CEP170: variants seen among roughly 807,000 people sequenced by gnomAD.
The protein encoded by CEP170 is centrosomal protein 170.
CEP170 carries 21 observed loss-of-function variants against 151.9 expected under a neutral mutation model. The ratio of observed to expected loss-of-function variants is 0.14; its 90% confidence interval spans 0.10 to 0.20. The LOEUF (loss-of-function observed/expected upper bound fraction) is 0.20. Ranked by LOEUF, CEP170 falls within the 10% of genes least tolerant of loss-of-function variation. The pLI, the probability that CEP170 is intolerant of heterozygous loss-of-function variation, is 1.00. For missense variants in CEP170, 964 were observed against 1,892.9 expected (o/e 0.51, Z 9.11); for synonymous variants, 356 against 648.8 (o/e 0.55, Z 6.86).
At chr1:243,149,712 T>A (rs1202560017) in intron 14 of CEP170, among the ~76,000 whole-genome samples, 1 of 152,214 alleles carries the variant, frequency 6.6e-6, no homozygotes, top group African/African-American at 2.4e-5. Context: ...AAATGTAGTA[T>A]ATCCTTCAAT....
At chr1:243,214,388 C>T (rs748067454) in intron 3 of CEP170, among the ~76,000 whole-genome samples, 7 of 145,280 alleles carry the variant, frequency 4.8e-5, no homozygotes, top group South Asian at 2.2e-4. Context: ...CAGGTTCAAG[C>T]GATTCTCCTG....
chr1:243,135,240 T>C (rs1483460829), intron 17 of CEP170, among the ~76,000 whole-genome samples: 3 of 152,170 alleles, frequency 2.0e-5, no homozygotes, highest in Non-Finnish European at 4.4e-5. Flanking sequence ...AGAGTCTCAC[T>C]CTGTTGCCCA....
chr1:243,200,100 G>A (rs2060925684), intron 6 of CEP170, among the ~76,000 whole-genome samples: 1 of 151,852 alleles, frequency 6.6e-6, no homozygotes, highest in Admixed American at 6.6e-5. Context: ...AACAAATGAA[G>A]TGAGGTGTAT....
chr1:243,175,960 C>A (rs1408016273), intron 10 of CEP170, among the ~76,000 whole-genome samples: 2 of 152,134 alleles, frequency 1.3e-5, no homozygotes, highest in East Asian at 3.9e-4. Context: ...CTACGCCTGG[C>A]TAATTTTTTG....
intron 10 of CEP170, among the ~76,000 whole-genome samples, chr1:243,179,519 G>A (rs1486610622): frequency 6.6e-6 from 1 of 151,874 alleles, no homozygotes; most frequent in Non-Finnish European, 1.5e-5. Flanking sequence ...ATATATACAA[G>A]GTTTTAAACT....
rs745312158 is a variant in CEP170, at chr1:243,169,727, G to A, written c.1744C>T (p.Arg582Cys). The A allele has an allele frequency of 1.6e-5, 26 of 1,613,382 alleles. No individual in the cohort carries two copies. The highest frequency in any genetic ancestry group is 2.0e-5 in the Non-Finnish European group (24 of 1,179,648). The change falls in exon 12 of 20, where the codon CGT becomes TGT. Residue 582 changes from arginine to cysteine, a missense_variant. Arg to Cys is a radical substitution (Grantham distance 180). Transcript: ENST00000366542. The part of the protein sequence containing the change: ...EEGTSSSGSK[R>C]WVSQWASLAA... Reference sequence around the variant, plus strand: ...AAACTAGCCCACTGTGAAACCCAACGTTTGCTTCCAGATGAAGATGTGCCT... The same window carrying A: ...AAACTAGCCCACTGTGAAACCCAACATTTGCTTCCAGATGAAGATGTGCCT...
chr1:243,126,035 T>C lies in CEP170; in HGVS notation c.*414A>G. 2.2e-6 allele frequency: 1 copy of C among 444,790 alleles called. No individual in the cohort carries two copies. Among genetic ancestry groups the C allele is most frequent in the Non-Finnish European group, 4.5e-6 (1 of 224,524 alleles). 27.6% of individuals were successfully genotyped at this position (444,790 alleles called of 1,614,324 possible). On this transcript the variant is annotated 3_prime_UTR_variant, in exon 20 of 20. Transcript: ENST00000366542. ...AGCAAATAGAATGGTTTAACAAATC[T>C]GTACAGATGAAGAAGTCCATTTCAG...
At chr1:243,175,495 T>A (rs1224022377) in intron 10 of CEP170, among the ~76,000 whole-genome samples, 2 of 152,192 alleles carry the variant, frequency 1.3e-5, no homozygotes, top group African/African-American at 4.8e-5. Flanking sequence ...TAGAAACACA[T>A]CCACCTGTGA....
chr1:243,167,128 CA>C (rs1317779962), intron 12 of CEP170, among the ~76,000 whole-genome samples: 1 of 152,042 alleles, frequency 6.6e-6, no homozygotes, highest in African/African-American at 2.4e-5. Flanking sequence ...GTCAAATAAA[CA>C]TTGTTTATTT....
chr1:243,244,065 C>T lies in CEP170; in HGVS notation c.-42+10975G>A, dbSNP rs79361096. ...ACATTCGGAAAATGTAAAACTGAAA[C>T]ATAATTAGCCTCAATTAATTTAAGA... is the stretch of plus-strand genomic sequence containing the variant. On this transcript the variant is annotated intron_variant, in intron 1 of 19. Coordinates refer to ENST00000366542, the MANE Select transcript of CEP170 (RefSeq NM_014812.3). Among the ~76,000 whole-genome samples the T allele has an allele frequency of 2.5e-3, 378 of 152,146 alleles. 2 individuals are homozygous for T. The highest frequency in any genetic ancestry group is 8.7e-3 in the African/African-American group (362 of 41,512).
chr1:243,238,646 G>C (rs953174941), intron 1 of CEP170, among the ~76,000 whole-genome samples: 1 of 152,034 alleles, frequency 6.6e-6, no homozygotes, highest in Non-Finnish European at 1.5e-5. Context: ...TTTTCTTTTA[G>C]CAAATGTACT....
chr1:243,158,592 A>G (rs1186763378), intron 13 of CEP170, among the ~76,000 whole-genome samples: 3 of 152,188 alleles, frequency 2.0e-5, no homozygotes, highest in Non-Finnish European at 4.4e-5. Flanking sequence ...GTGATCACAT[A>G]TAAGTAGAGC....
chr1:243,210,223 A>G (rs2061690415), intron 4 of CEP170, among the ~76,000 whole-genome samples: 1 of 152,204 alleles, frequency 6.6e-6, no homozygotes, highest in Non-Finnish European at 1.5e-5. Flanking sequence ...TTTTCTCAAT[A>G]GTTTCTTCTT....
intron 10 of CEP170, among the ~76,000 whole-genome samples, chr1:243,177,197 G>A (rs2059312657): frequency 6.6e-6 from 1 of 152,166 alleles, no homozygotes; most frequent in South Asian, 2.1e-4. Context: ...ACAGAAAATA[G>A]AGACCATTGT....
At chr1:243,131,523 C>A (rs1210756663) in intron 17 of CEP170, among the ~76,000 whole-genome samples, 2 of 151,826 alleles carry the variant, frequency 1.3e-5, no homozygotes, top group East Asian at 1.9e-4. Context: ...AAACAAAAAA[C>A]AATTTGTAAT....
chr1:243,244,927 T>A (rs926318796), intron 1 of CEP170, among the ~76,000 whole-genome samples: 1 of 152,186 alleles, frequency 6.6e-6, no homozygotes, highest in Non-Finnish European at 1.5e-5. Flanking sequence ...GTGAGATTAT[T>A]TCATAAGGAA....
chr1:243,231,193 T>TCATTATC, intron 1 of CEP170, among the ~76,000 whole-genome samples: 1 of 82,820 alleles, frequency 1.2e-5, no homozygotes, highest in East Asian at 3.9e-4. Context: ...TCATCATCAT[T>TCATTATC]ATTATTATTA....
chr1:243,173,506 C>T (rs150958806), intron 10 of CEP170, among the ~76,000 whole-genome samples: 2,781 of 151,552 alleles, frequency 0.018, 38 homozygotes, highest in Middle Eastern at 0.034. Context: ...GAGGCCGAGG[C>T]GAGCAGATCA....
At chr1:243,250,122 A>C (rs928611661) in intron 1 of CEP170, among the ~76,000 whole-genome samples, 22 of 152,140 alleles carry the variant, frequency 1.4e-4, no homozygotes, top group East Asian at 1.9e-4. Context: ...AACAAACAAA[A>C]AAAACCCATC....
Sources: allele counts gnomAD v4.1 joint callset (sites outside exome capture counted in the v4.1 genomes callset), GRCh38; gene constraint gnomAD v4.1.1; transcripts MANE v1.5; gene names NCBI Gene and HGNC (gene_info 2026-07-23, HGNC 2026-07-21).